ESRRB: variants seen among roughly 807,000 people sequenced by gnomAD.
The protein encoded by ESRRB is steroid hormone receptor ERR2.
Under a neutral mutation model 46.0 loss-of-function variants are expected in ESRRB, and 16 were observed. The observed-to-expected ratio is 0.35, with a 90% CI of 0.24 to 0.53. The LOEUF (loss-of-function observed/expected upper bound fraction) is 0.53, where lower values mean the gene tolerates loss of function less well. ESRRB is among the 20% of genes least tolerant of loss of function. The pLI is 0.93. For synonymous variants in ESRRB, 246 were observed against 259.6 expected (o/e 0.95, Z 0.50); for missense variants, 488 against 607.4 (o/e 0.80, Z 2.07).
upstream of ESRRB, among the ~76,000 whole-genome samples, chr14:76,366,709 GAGCA>G (rs1190193967): frequency 6.6e-6 from 1 of 152,210 alleles, no homozygotes; most frequent in Non-Finnish European, 1.5e-5. Flanking sequence ...GGTGGGAGGA[GAGCA>G]AGCCAGTGGA....
Position 76,331,713 on chromosome 14 carries a change from A to T in ESRRB, c.2+20797A>T, listed in dbSNP as rs150486006. Among the ~76,000 whole-genome samples the T allele has an allele frequency of 2.6e-5, 4 of 151,860 alleles. No homozygotes were observed. In the East Asian group the frequency reaches 7.8e-4, roughly 30 times the overall value. On this transcript the variant is annotated intron_variant, in intron 1 of 6. Coordinates refer to the ESRRB transcript ENST00000512784. ...TCTCGACATCACCCTGGCAGCAGTGACCAGGAGGCCAAGGCCCAGCCCTGT... is the reference window on the plus strand; with the variant it reads ...TCTCGACATCACCCTGGCAGCAGTGTCCAGGAGGCCAAGGCCCAGCCCTGT...
intron 1 of ESRRB, among the ~76,000 whole-genome samples, chr14:76,337,247 C>T (rs186068832): frequency 6.6e-6 from 1 of 152,144 alleles, no homozygotes; most frequent in African/African-American, 2.4e-5. Context: ...CCGAGACTCT[C>T]CTGGGGCTGA....
chr14:76,412,401 G>C (rs1220405338), intron 1 of ESRRB, among the ~76,000 whole-genome samples: 1 of 152,184 alleles, frequency 6.6e-6, no homozygotes, highest in Non-Finnish European at 1.5e-5. Flanking sequence ...TGTGGTTTCA[G>C]TCTTGTGGGA....
In ESRRB at chr14:76,500,043, A is replaced by C. The variant is rs1890603952; in HGVS notation, c.*1585A>C. The C allele has an allele frequency of 6.4e-7, 1 of 1,553,892 alleles. No individual in the cohort carries two copies. The highest frequency in any genetic ancestry group is 2.4e-5 in the East Asian group (1 of 41,088). ...TGAGAGAGGCAGGCAGATCTCACCC[A>C]GCACTAGGACACCAGGAGGCCAGGT... On this transcript the variant is annotated 3_prime_UTR_variant, in exon 7 of 7. Transcript: ENST00000644823.
chr14:76,408,591 C>CAAAAAA (rs35955826), intron 1 of ESRRB, among the ~76,000 whole-genome samples: 21 of 42,150 alleles, frequency 5.0e-4, no homozygotes, highest in African/African-American at 2.2e-3. Context: ...GACCCTGTCT[C>CAAAAAA]AAAAAAAAAA....
chr14:76,484,913 G>A (rs1889945241), intron 5 of ESRRB, among the ~76,000 whole-genome samples: 1 of 152,228 alleles, frequency 6.6e-6, no homozygotes. Context: ...CTGTGAGGAT[G>A]TAGCGCGCTT....
chr14:76,421,361 T>C (rs1699935438), intron 1 of ESRRB, among the ~76,000 whole-genome samples: 1 of 152,190 alleles, frequency 6.6e-6, no homozygotes. Flanking sequence ...CCTCGATTGA[T>C]TTTCCCATGT....
At chr14:76,320,536 C>T (rs1245179499) in intron 1 of ESRRB, among the ~76,000 whole-genome samples, 3 of 152,234 alleles carry the variant, frequency 2.0e-5, no homozygotes, top group Admixed American at 6.5e-5. Context: ...GTAGGCAGGG[C>T]ATGGTGGGCC....
rs34780208 is a variant in ESRRB at position 76,324,963 on chromosome 14, CTTTTTTTTTTT to C, written c.2+14058_2+14068del. ...GGCACTTTCTTTTCTTTTTCTTTTT[CTTTTTTTTTTT>C]TTTTTTTTTTGAGACAGAGTCTTTC... On this transcript the variant is annotated intron_variant, in intron 1 of 6. Coordinates refer to the ESRRB transcript ENST00000512784. Among the ~76,000 whole-genome samples the C allele has an allele frequency of 1.5e-3, 150 of 102,196 alleles. 1 individual carries two copies. The highest frequency in any genetic ancestry group is 5.3e-3 in the African/African-American group (143 of 27,082). 67.0% of individuals were successfully genotyped at this position (102,196 alleles called of 152,430 possible).
At chr14:76,489,762 G>A (rs1890152032) in intron 5 of ESRRB, among the ~76,000 whole-genome samples, 2 of 152,172 alleles carry the variant, frequency 1.3e-5, no homozygotes, top group Admixed American at 1.3e-4. Context: ...CAGGGAAGAA[G>A]TGGCATTTGG....
chr14:76,377,676 C>T (rs564270907), intron 1 of ESRRB, among the ~76,000 whole-genome samples: 2 of 152,300 alleles, frequency 1.3e-5, no homozygotes, highest in East Asian at 1.9e-4. Context: ...CCCCCTCCCC[C>T]CAAGAACCAC....
Position 76,500,000 on chromosome 14 carries a change from T to G in ESRRB, c.*1542T>G. 1 of 1,575,974 alleles carries G rather than the reference T, an allele frequency of 6.3e-7. No individual in the cohort carries two copies. The highest frequency in any genetic ancestry group is 8.6e-7 in the Non-Finnish European group (1 of 1,159,750). ...CGGGGATCCCCAATCCACGCCCTTCTAGTCCAACCCCCCTCAATGAGAGAG... is the reference window on the plus strand; with the variant it reads ...CGGGGATCCCCAATCCACGCCCTTCGAGTCCAACCCCCCTCAATGAGAGAG... On this transcript the variant is annotated 3_prime_UTR_variant, in exon 7 of 7. Coordinates refer to ENST00000644823, the MANE Select transcript of ESRRB (RefSeq NM_001379180.1).
At chr14:76,384,760 G>A (rs963440654) in intron 1 of ESRRB, among the ~76,000 whole-genome samples, 2 of 152,184 alleles carry the variant, frequency 1.3e-5, no homozygotes, top group African/African-American at 4.8e-5. Flanking sequence ...ACAAGGGGGG[G>A]TTATGACTTG....
chr14:76,490,681 A>C (rs758064959), intron 5 of ESRRB, among the ~76,000 whole-genome samples: 1 of 146,368 alleles, frequency 6.8e-6, no homozygotes, highest in Non-Finnish European at 1.5e-5. Context: ...TCCATGCCCA[A>C]CTTTATTTTC....
rs1889834338 is a variant in ESRRB, at chr14:76,482,184, C to T, written c.688+58C>T. The T allele has an allele frequency of 2.3e-6, 3 of 1,289,178 alleles. No homozygotes were observed. Among genetic ancestry groups the T allele is most frequent in the Non-Finnish European group, 3.4e-6 (3 of 887,292 alleles). 79.9% of individuals were successfully genotyped at this position (1,289,178 alleles called of 1,614,324 possible). A position where few individuals can be genotyped will look rare whatever the true frequency, so the allele number is the denominator to read the frequency against. ...CAGCATCTGTACCTGGAACATCAGG[C>T]ATCCCTTAGGGAAACATCATCTTCC... On this transcript the variant is annotated intron_variant, in intron 4 of 6. Transcript: ENST00000644823. This position sits in a 1 kb window ranked among gnomAD's most constrained non-coding sequence, Gnocchi z 4.3.
At chr14:76,337,244 T>A (rs7156805) in intron 1 of ESRRB, among the ~76,000 whole-genome samples, 13,980 of 152,056 alleles carry the variant, frequency 0.092, 782 homozygotes, top group Middle Eastern at 0.16. Context: ...TGGCCGAGAC[T>A]CTCCTGGGGC....
At chr14:76,333,150 T>TTATATAATATATA (rs1884072056) in intron 1 of ESRRB, among the ~76,000 whole-genome samples, 194 of 8,692 alleles carry the variant, frequency 0.022, 81 homozygotes, top group Middle Eastern at 0.33. Context: ...TATTATATAT[T>TTATATAATATATA]ATATATAATA....
At chr14:76,393,187 T>C (rs1437076955) in intron 1 of ESRRB, among the ~76,000 whole-genome samples, 7 of 152,208 alleles carry the variant, frequency 4.6e-5, no homozygotes, top group African/African-American at 1.7e-4. Context: ...GCTCCATGCC[T>C]GGCCAGCAGA....
chr14:76,384,047 G>C (rs1885121040), intron 1 of ESRRB, among the ~76,000 whole-genome samples: 1 of 152,182 alleles, frequency 6.6e-6, no homozygotes, highest in South Asian at 2.1e-4. Context: ...GTGATGCACA[G>C]TAAATGAGCT....
Sources: gnomAD v4.1 joint callset for allele counts (sites outside exome capture counted in the v4.1 genomes callset) on GRCh38, gnomAD v4.1.1 for gene constraint, Gnocchi (gnomAD v3.1) non-coding constraint, MANE v1.5 for transcripts, NCBI Gene and HGNC (gene_info 2026-07-23, HGNC 2026-07-21) for gene names.